The following PHF14 variants were observed in gnomAD, a reference collection of about 807,000 sequenced individuals.
PHF14 encodes PHD finger protein 14.
In PHF14, 55 loss-of-function variants were observed where a neutral mutation model predicts 117.9. That is an observed-to-expected ratio of 0.47 (90% confidence interval 0.38 to 0.58). The LOEUF is 0.58. Among genes scored for constraint, PHF14 ranks in the 20% least tolerant of loss-of-function variants. PHF14 has a pLI of 0.00. For missense variants in PHF14, 978 were observed against 1,122.2 expected (o/e 0.87, Z 1.84); for synonymous variants, 409 against 368.6 (o/e 1.11, Z -1.26).
intron 16 of PHF14, among the ~76,000 whole-genome samples, chr7:11,076,290 G>T (rs1785846350): frequency 6.6e-6 from 1 of 152,132 alleles, no homozygotes. Flanking sequence ...GCTAAATGGT[G>T]GCATCCCTTC....
At chr7:11,007,440 A>C (rs1037141540) in intron 4 of PHF14, among the ~76,000 whole-genome samples, 13 of 151,884 alleles carry the variant, frequency 8.6e-5, no homozygotes, top group African/African-American at 2.9e-4. Flanking sequence ...CTCTTTTGGG[A>C]CTAGTTTTTA....
intron 16 of PHF14, chr7:11,107,827 C>T (rs1787322688): frequency 1.4e-6 from 1 of 709,056 alleles, no homozygotes; most frequent in Non-Finnish European, 1.7e-6. Context: ...TAAATTTTGT[C>T]CTATATTATG....
chr7:11,007,303 A>C (rs1562416367), intron 4 of PHF14, among the ~76,000 whole-genome samples: 1 of 152,080 alleles, frequency 6.6e-6, no homozygotes, highest in East Asian at 1.9e-4. Flanking sequence ...ATGTGTTGCA[A>C]ATATTTTCCA....
At chr7:11,081,249 A>G (rs189947184) in intron 16 of PHF14, among the ~76,000 whole-genome samples, 2 of 152,308 alleles carry the variant, frequency 1.3e-5, no homozygotes, top group East Asian at 1.9e-4. Context: ...TTTCTGGGGA[A>G]TAATTTAGCA....
At chr7:11,131,719 A>G (rs1788095861) in intron 17 of PHF14, among the ~76,000 whole-genome samples, 1 of 151,700 alleles carries the variant, frequency 6.6e-6, no homozygotes, top group South Asian at 2.1e-4. Context: ...TAGATTTTCT[A>G]CTATGTTGTC....
At chr7:11,080,799 T>G (rs977048305) in intron 16 of PHF14, among the ~76,000 whole-genome samples, 2 of 152,188 alleles carry the variant, frequency 1.3e-5, no homozygotes, top group African/African-American at 4.8e-5. Context: ...AATGAGCAAA[T>G]GCATTAGAGG....
chr7:11,017,752 T>C (rs1783581484), intron 5 of PHF14, among the ~76,000 whole-genome samples: 1 of 151,602 alleles, frequency 6.6e-6, no homozygotes, highest in Non-Finnish European at 1.5e-5. Context: ...GTTGTGATCC[T>C]GCTTTTTAAA....
At chr7:11,137,370 A>G (rs116254078) in intron 17 of PHF14, among the ~76,000 whole-genome samples, 16 of 152,228 alleles carry the variant, frequency 1.1e-4, no homozygotes, top group East Asian at 7.7e-4. Context: ...GCTCTACACA[A>G]TTCCCTAGTT....
chr7:11,051,876 C>G, intron 14 of PHF14, 96 bp downstream of exon 14: 1 of 994,010 alleles, frequency 1.0e-6, no homozygotes, highest in Non-Finnish European at 1.5e-6. Context: ...ACTCAGAAGT[C>G]AAAGAAAAAG....
intron 17 of PHF14, among the ~76,000 whole-genome samples, chr7:11,165,998 G>A (rs912745537): frequency 6.6e-6 from 1 of 152,146 alleles, no homozygotes; most frequent in Non-Finnish European, 1.5e-5. Flanking sequence ...TGTAAAAAGA[G>A]CAAGGCTAAG....
chr7:11,110,051 T>A (rs1281109070), intron 16 of PHF14: 1 of 151,764 alleles, frequency 6.6e-6, no homozygotes, highest in African/African-American at 2.4e-5. Context: ...CCCAAATGAG[T>A]TTTTGGAAGA....
intron 17 of PHF14, among the ~76,000 whole-genome samples, chr7:11,164,335 A>AT (rs1789137916): frequency 6.6e-6 from 1 of 152,198 alleles, no homozygotes; most frequent in Non-Finnish European, 1.5e-5. Flanking sequence ...ATGTTTTCTG[A>AT]TTACGAAGGA....
chr7:11,051,222 T>G lies in PHF14; in HGVS notation c.2313-390T>G, dbSNP rs534217943. On this transcript the variant is annotated intron_variant, in intron 13 of 17. Transcript: ENST00000634607. ...AGCCTAGTTAATTTTCTTTTTTTTT[T>G]TGTGAAGACAGTCTCTCACTATGTT... Among the ~76,000 whole-genome samples the G allele has an allele frequency of 2.5e-3, 376 of 152,088 alleles. 3 individuals are homozygous for G. Among genetic ancestry groups the G allele is most frequent in the African/African-American group, 8.6e-3 (358 of 41,504 alleles).
intron 14 of PHF14, among the ~76,000 whole-genome samples, chr7:11,053,485 C>G (rs1562442029): frequency 6.6e-6 from 1 of 151,928 alleles, no homozygotes. Context: ...CGGCTAGTTT[C>G]TATTTCTAAA....
intron 17 of PHF14, among the ~76,000 whole-genome samples, chr7:11,145,596 C>G (rs1788527582): frequency 6.6e-6 from 1 of 151,842 alleles, no homozygotes; most frequent in African/African-American, 2.4e-5. Context: ...TACCATTGCC[C>G]TAAAGCAGCA....
intron 17 of PHF14, among the ~76,000 whole-genome samples, chr7:11,133,421 A>G (rs950918409): frequency 5.9e-5 from 9 of 152,002 alleles, no homozygotes; most frequent in Non-Finnish European, 1.2e-4. Flanking sequence ...ATACTTGACA[A>G]TGCAGCAAAG....
intron 16 of PHF14, chr7:11,103,556 TAGAAGAGA>T: frequency 1.0e-6 from 1 of 985,030 alleles, no homozygotes; most frequent in Non-Finnish European, 1.2e-6. Flanking sequence ...TGAACTGATT[TAGAAGAGA>T]CTCTTTGCTG....
chr7:11,103,455 G>C (rs923619533), intron 16 of PHF14: 6 of 979,364 alleles, frequency 6.1e-6, no homozygotes, highest in Non-Finnish European at 7.3e-6. Flanking sequence ...TCTTTCCAGA[G>C]GTATACAGAA....
At chr7:11,104,488 A>G (rs1167679418) in intron 16 of PHF14, 2 of 981,286 alleles carry the variant, frequency 2.0e-6, no homozygotes, top group Non-Finnish European at 2.4e-6. Context: ...GCTTAAGAAA[A>G]TATGTACTAA....
Sources: gnomAD v4.1 joint callset for allele counts (sites outside exome capture counted in the v4.1 genomes callset) on GRCh38, gnomAD v4.1.1 for gene constraint, MANE v1.5 for transcripts, NCBI Gene and HGNC (gene_info 2026-07-23, HGNC 2026-07-21) for gene names.